The following RAD17 variants were observed in gnomAD, a reference collection of about 807,000 sequenced individuals.
The protein encoded by RAD17 is cell cycle checkpoint protein RAD17.
Under a neutral mutation model 81.5 loss-of-function variants are expected in RAD17, and 31 were observed. The observed-to-expected ratio is 0.38, with a 90% CI of 0.29 to 0.51. The LOEUF is 0.51. Ranked by LOEUF, RAD17 falls within the 20% of genes least tolerant of loss-of-function variation. The probability of loss-of-function intolerance (pLI) is 0.88; values close to 1 mark genes in which losing one functional copy is unlikely to be tolerated. For missense variants in RAD17, 681 were observed against 781.2 expected (o/e 0.87, Z 1.53); for synonymous variants, 261 against 266.2 (o/e 0.98, Z 0.19).
In RAD17 at chr5:69,371,449, C is replaced by T. The variant is rs1482125700; in HGVS notation, c.-279-5C>T. The T allele has an allele frequency of 4.5e-5, 13 of 289,424 alleles. 1 individual carries two copies. Among genetic ancestry groups the T allele is most frequent in the Admixed American group, 1.6e-4 (3 of 18,636 alleles). The allele number at this position is 289,424 out of a possible 1,614,324, so 17.9% of individuals were successfully genotyped here. ...TTGAGGGCTTCTTCCCCCCCCCCCC[C>T]CCAGGTGAATTATAGTTTAATGTAC... On this transcript the variant is annotated splice_polypyrimidine_tract_variant and splice_region_variant and intron_variant, in intron 2 of 18. Coordinates refer to ENST00000354868, the MANE Select transcript of RAD17 (RefSeq NM_133338.3).
intron 7 of RAD17, 117 bp downstream of exon 7, chr5:69,382,174 A>G (rs1763900360): frequency 8.3e-7 from 1 of 1,205,060 alleles, no homozygotes; most frequent in Non-Finnish European, 1.2e-6. Flanking sequence ...AGAGGGATGG[A>G]ATTTCACAGG....
At chr5:69,405,418 G>T (rs530266391) in intron 17 of RAD17, among the ~76,000 whole-genome samples, 3 of 152,014 alleles carry the variant, frequency 2.0e-5, no homozygotes, top group Admixed American at 1.3e-4. Flanking sequence ...TGTAATCCCA[G>T]CACTTTGGGA....
chr5:69,395,290 C>G (rs1402851355), intron 15 of RAD17, among the ~76,000 whole-genome samples: 1 of 152,124 alleles, frequency 6.6e-6, no homozygotes, highest in African/African-American at 2.4e-5. Flanking sequence ...GCAGGAAGAT[C>G]ACTTGAGGCC....
At chr5:69,404,419 A>G (rs1244437532) in intron 17 of RAD17, among the ~76,000 whole-genome samples, 1 of 152,194 alleles carries the variant, frequency 6.6e-6, no homozygotes, top group Non-Finnish European at 1.5e-5. Context: ...CAACCCAATT[A>G]AAAAACAGGC....
At chr5:69,405,457 G>A (rs1230860364) in intron 17 of RAD17, among the ~76,000 whole-genome samples, 4 of 151,872 alleles carry the variant, frequency 2.6e-5, no homozygotes, top group Admixed American at 6.6e-5. Context: ...ACCTGAGGTC[G>A]GGAGTTCGAG....
chr5:69,396,069 AG>A (rs1764867136), intron 15 of RAD17, among the ~76,000 whole-genome samples: 2 of 152,218 alleles, frequency 1.3e-5, no homozygotes, highest in Non-Finnish European at 2.9e-5. Flanking sequence ...TATATAATTA[AG>A]TTAACTTTCC....
intron 9 of RAD17, 26 bp from the exon 10 acceptor site, chr5:69,386,154 A>G (rs1313298622): frequency 6.2e-7 from 1 of 1,600,030 alleles, no homozygotes; most frequent in Non-Finnish European, 8.5e-7. Flanking sequence ...CTTAAATTTC[A>G]ACATTGCTGT....
chr5:69,389,976 A>G (rs1165249345), intron 12 of RAD17, among the ~76,000 whole-genome samples: 4 of 152,136 alleles, frequency 2.6e-5, no homozygotes, highest in Non-Finnish European at 5.9e-5. Context: ...ATGTTTAATA[A>G]ATTTATTTCC....
In RAD17 at chr5:69,371,543, G is replaced by T; in HGVS notation, c.-190G>T. ...GTCAAAAACTTTTCTTAGACCAAAG[G>T]TATCTTCCACAAAGGTATGATACAC... On this transcript the variant is annotated 5_prime_UTR_variant, in exon 3 of 19. Coordinates refer to ENST00000354868, the MANE Select transcript of RAD17 (RefSeq NM_133338.3). 6.9e-7 allele frequency: 1 copy of T among 1,455,234 alleles called. No individual in the cohort carries two copies. The highest frequency in any genetic ancestry group is 9.2e-7 in the Non-Finnish European group (1 of 1,089,640). 90.1% of individuals were successfully genotyped at this position (1,455,234 alleles called of 1,614,324 possible). A position where few individuals can be genotyped will look rare whatever the true frequency, so the allele number is the denominator to read the frequency against.
chr5:69,377,450 T>TATATATGTATATATATATATATATAC (rs1763426671), intron 6 of RAD17, among the ~76,000 whole-genome samples: 1 of 11,168 alleles, frequency 9.0e-5, no homozygotes, highest in Non-Finnish European at 5.0e-4. Flanking sequence ...TATATATATA[T>TATATATGTATATATATATATATATAC]ATATATATAT....
chr5:69,408,748 T>G (rs890502725), intron 17 of RAD17, among the ~76,000 whole-genome samples: 2 of 152,128 alleles, frequency 1.3e-5, no homozygotes, highest in African/African-American at 4.8e-5. Flanking sequence ...TGACCTCAAG[T>G]GATCCACCCA....
intron 16 of RAD17, among the ~76,000 whole-genome samples, chr5:69,397,749 G>A (rs1764987578): frequency 6.6e-6 from 1 of 152,158 alleles, no homozygotes; most frequent in African/African-American, 2.4e-5. Flanking sequence ...AGCCTCGCTG[G>A]CCAGGAGGAA....
intron 1 of RAD17, 106 bp downstream of exon 1, chr5:69,370,039 G>T: frequency 2.9e-6 from 1 of 349,576 alleles, no homozygotes; most frequent in Non-Finnish European, 5.2e-6. Context: ...CTCCCGACCC[G>T]CCCATCCCAT....
At chr5:69,397,353 G>T (rs767155843) in intron 16 of RAD17, among the ~76,000 whole-genome samples, 3 of 151,626 alleles carry the variant, frequency 2.0e-5, no homozygotes, top group Non-Finnish European at 4.4e-5. Flanking sequence ...TGTTGGCCAG[G>T]CTGTTCTTGA....
intron 3 of RAD17, 41 bp from the exon 4 acceptor site, chr5:69,371,993 A>G: frequency 9.1e-7 from 1 of 1,100,314 alleles, no homozygotes; most frequent in Non-Finnish European, 1.2e-6. Flanking sequence ...GATGTTAAGT[A>G]AGTTACTTAA....
In RAD17 at chr5:69,410,610, A is replaced by G. The variant is rs1765913384; in HGVS notation, c.1751+60A>G. The G allele has an allele frequency of 2.8e-6, 4 of 1,443,656 alleles. No homozygotes were observed. The Admixed American group carries it at 6.8e-5, about 25-fold the overall frequency. The allele number at this position is 1,443,656 out of a possible 1,614,324, so 89.4% of individuals were successfully genotyped here. A position where few individuals can be genotyped will look rare whatever the true frequency, so the allele number is the denominator to read the frequency against. ...AATGAAATGTCTACTGAATATGTTC[A>G]GTATGAATCAATAACTGTTACCTGT... On this transcript the variant is annotated intron_variant, in intron 18 of 18. Coordinates refer to ENST00000354868, the MANE Select transcript of RAD17 (RefSeq NM_133338.3).
rs60644166 is a variant in RAD17 at position 69,406,747 on chromosome 5, T to A, written c.1694-3746T>A. On this transcript the variant is annotated intron_variant, in intron 17 of 18. Transcript: ENST00000354868. Reference sequence around the variant, plus strand: ...GTCTTGAACTCCTGGGTTCAAGCAATCCTCCCACCTCAGCCTCCCAAAGTG... The same window carrying A: ...GTCTTGAACTCCTGGGTTCAAGCAAACCTCCCACCTCAGCCTCCCAAAGTG... Among the ~76,000 whole-genome samples, 943 of 152,036 alleles carry A rather than the reference T, an allele frequency of 6.2e-3. 7 individuals carry two copies. The highest frequency in any genetic ancestry group is 0.022 in the African/African-American group (892 of 41,472).
intron 12 of RAD17, among the ~76,000 whole-genome samples, chr5:69,390,757 C>G (rs899894819): frequency 5.9e-5 from 9 of 151,966 alleles, no homozygotes; most frequent in African/African-American, 9.7e-5. Flanking sequence ...GAGTCTGATA[C>G]CAGCCTGGGC....
At chr5:69,370,181 G>C (rs1184863962) in intron 1 of RAD17, 1 of 163,302 alleles carries the variant, frequency 6.1e-6, no homozygotes, top group Non-Finnish European at 1.3e-5. Context: ...TTCACTGTGT[G>C]GGGTGGTGGT....
Sources: allele counts gnomAD v4.1 joint callset (sites outside exome capture counted in the v4.1 genomes callset), GRCh38; gene constraint gnomAD v4.1.1; transcripts MANE v1.5; gene names NCBI Gene and HGNC (gene_info 2026-07-23, HGNC 2026-07-21).